The following ERI1 variants were observed in gnomAD, a reference collection of about 807,000 sequenced individuals.
ERI1 encodes exoribonuclease 1.
A neutral mutation model predicts 39.7 loss-of-function variants in ERI1; 39 were observed. The observed-to-expected ratio is 0.98, with a 90% CI of 0.76 to 1.28. The LOEUF is 1.28. Among genes scored for constraint, ERI1 ranks in the 50% most tolerant of loss-of-function variants. The pLI is 0.00. For synonymous variants in ERI1, 204 were observed against 149.6 expected (o/e 1.36, Z -2.65); for missense variants, 581 against 416.9 (o/e 1.39, Z -3.43).
chr8:9,005,809 A>T (rs930763715), intron 1 of ERI1, among the ~76,000 whole-genome samples: 2 of 152,224 alleles, frequency 1.3e-5, no homozygotes, highest in African/African-American at 4.8e-5. Context: ...GACAGTTTTA[A>T]AGTAGTTTGC....
intron 1 of ERI1, among the ~76,000 whole-genome samples, chr8:9,006,837 T>G (rs538940291): frequency 1.3e-5 from 2 of 152,116 alleles, no homozygotes; most frequent in Non-Finnish European, 2.9e-5. Context: ...TTCCAGTAAA[T>G]GTGTGTTGCA....
chr8:9,076,097 C>A (rs557615570), intron 3 of ERI1, among the ~76,000 whole-genome samples: 1 of 152,082 alleles, frequency 6.6e-6, no homozygotes, highest in Non-Finnish European at 1.5e-5. Context: ...CCTCCATGCC[C>A]AGCTAATTTT....
chr8:9,057,575 G>C (rs1798548313), intron 3 of ERI1, among the ~76,000 whole-genome samples: 2 of 152,134 alleles, frequency 1.3e-5, no homozygotes, highest in African/African-American at 4.8e-5. Flanking sequence ...TATTTTTTAT[G>C]GGCCCTTTAT....
chr8:9,060,893 CAG>C (rs755787324), intron 3 of ERI1, among the ~76,000 whole-genome samples: 4 of 152,178 alleles, frequency 2.6e-5, no homozygotes, highest in Non-Finnish European at 5.9e-5. Flanking sequence ...CGGCCTTAAG[CAG>C]AGTTTTTATT....
intron 2 of ERI1, among the ~76,000 whole-genome samples, chr8:9,010,121 A>T (rs180937024): frequency 6.6e-6 from 1 of 152,228 alleles, no homozygotes; most frequent in African/African-American, 2.4e-5. Flanking sequence ...ATTAGAGAGA[A>T]TCATATTCTG....
chr8:9,083,579 A>G (rs547612687), intron 3 of ERI1, among the ~76,000 whole-genome samples: 1 of 151,878 alleles, frequency 6.6e-6, no homozygotes, highest in Admixed American at 6.6e-5. Context: ...CATGATGCTC[A>G]CTTTGGCAGC....
At chr8:9,013,567 T>C (rs1585197473) in intron 3 of ERI1, among the ~76,000 whole-genome samples, 1 of 152,224 alleles carries the variant, frequency 6.6e-6, no homozygotes, top group East Asian at 1.9e-4. Flanking sequence ...TCCTTTCGCT[T>C]GATGATCTTA....
chr8:9,025,727 G>A (rs1471713296), intron 6 of ERI1, among the ~76,000 whole-genome samples: 2 of 139,220 alleles, frequency 1.4e-5, no homozygotes, highest in Non-Finnish European at 3.2e-5. Context: ...TGTGTGTGTG[G>A]TTAAAATGTA....
chr8:9,057,574 TG>T (rs1465951074), intron 3 of ERI1, among the ~76,000 whole-genome samples: 2 of 152,344 alleles, frequency 1.3e-5, no homozygotes, highest in Admixed American at 6.5e-5. Context: ...ATATTTTTTA[TG>T]GGCCCTTTAT....
chr8:9,014,802 G>A (rs1386202884), intron 3 of ERI1, among the ~76,000 whole-genome samples: 2 of 152,094 alleles, frequency 1.3e-5, no homozygotes, highest in Non-Finnish European at 2.9e-5. Flanking sequence ...CGGTAAGAGT[G>A]TCTAACTTTT....
chr8:9,017,922 G>A (rs900715390), intron 4 of ERI1, among the ~76,000 whole-genome samples: 10 of 152,186 alleles, frequency 6.6e-5, no homozygotes, highest in Non-Finnish European at 1.0e-4. Context: ...GTGGAAAATT[G>A]TGAGACCTGA....
At chr8:9,063,852 G>T (rs1585274809) in intron 3 of ERI1, among the ~76,000 whole-genome samples, 1 of 152,090 alleles carries the variant, frequency 6.6e-6, no homozygotes, top group Admixed American at 6.6e-5. Context: ...TTAGGTTTTA[G>T]GTCAGGTGTA....
intron 6 of ERI1, among the ~76,000 whole-genome samples, chr8:9,026,433 C>CT (rs555919754): frequency 5.9e-4 from 89 of 151,952 alleles, no homozygotes; most frequent in African/African-American, 2.0e-3. Context: ...TCTTCTGTCT[C>CT]TATCAGTTTG....
intron 3 of ERI1, among the ~76,000 whole-genome samples, chr8:9,093,183 A>G (rs555160277): frequency 1.3e-5 from 2 of 152,356 alleles, no homozygotes; most frequent in South Asian, 4.1e-4. Context: ...CCTGGGCCAC[A>G]TTGGAAGAAG....
At position 9,003,164 on chromosome 8, in the gene ERI1, G is replaced by C. The variant is rs1815551858; in HGVS notation, c.101G>C (p.Ser34Thr). 1 of 1,243,406 alleles carries C rather than the reference G, an allele frequency of 8.0e-7. No homozygotes were observed. Among genetic ancestry groups the C allele is most frequent in the South Asian group, 3.9e-5 (1 of 25,876 alleles). 77.0% of individuals were successfully genotyped at this position (1,243,406 alleles called of 1,614,324 possible). ...PEGGEEPPRP[S>T]PEETQQCKFD... ...GGCGGGGAGGAGCCGCCGCGTCCCA[G>C]TCCCGAGGTGAGGAGTCGACCCGCG... Residue 34 changes from serine to threonine, a missense_variant, in exon 1 of 7, where the codon AGT (serine) becomes ACT (threonine). Coordinates refer to ENST00000250263, the MANE Select transcript of ERI1 (RefSeq NM_153332.4).
chr8:9,048,624 GAA>G (rs1241018553), intron 3 of ERI1: 1 of 152,516 alleles, frequency 6.6e-6, no homozygotes, highest in African/African-American at 2.4e-5. Flanking sequence ...AGGTCCAGTG[GAA>G]ATCAAAGCCC....
At chr8:9,028,217 G>A (rs1433613547) in intron 6 of ERI1, among the ~76,000 whole-genome samples, 2 of 152,200 alleles carry the variant, frequency 1.3e-5, no homozygotes, top group South Asian at 2.1e-4. Context: ...TTCTTTGTTA[G>A]AGGTTTTCAG....
intron 3 of ERI1, among the ~76,000 whole-genome samples, chr8:9,073,480 G>T (rs1422939035): frequency 6.6e-6 from 1 of 152,178 alleles, no homozygotes; most frequent in Non-Finnish European, 1.5e-5. Flanking sequence ...GGAGATCAGT[G>T]AAGTAAGATT....
intron 1 of ERI1, among the ~76,000 whole-genome samples, chr8:9,003,615 A>T (rs145276021): frequency 6.6e-6 from 1 of 152,210 alleles, no homozygotes; most frequent in Non-Finnish European, 1.5e-5. Context: ...CTGTCTCTGT[A>T]CCTGTTAAGT....
Sources: gnomAD v4.1 joint callset for allele counts (sites outside exome capture counted in the v4.1 genomes callset) on GRCh38, gnomAD v4.1.1 for gene constraint, MANE v1.5 for transcripts, NCBI Gene and HGNC (gene_info 2026-07-23, HGNC 2026-07-21) for gene names.